The following SORCS3 variants were observed in gnomAD, a reference collection of about 807,000 sequenced individuals.
SORCS3 encodes the protein sortilin related VPS10 domain containing receptor 3, also known as VPS10 domain-containing receptor SorCS3.
SORCS3 carries 57 observed loss-of-function variants against 146.3 expected under a neutral mutation model. The ratio of observed to expected loss-of-function variants is 0.39; its 90% CI spans 0.31 to 0.49. SORCS3 has a LOEUF of 0.49. Ranked by LOEUF, SORCS3 falls within the 20% of genes least tolerant of loss-of-function variation. The probability of loss-of-function intolerance (pLI) is 0.92; values close to 1 mark genes in which losing one functional copy is unlikely to be tolerated. For missense variants in SORCS3, 1,341 were observed against 1,575.5 expected (o/e 0.85, Z 2.52); for synonymous variants, 653 against 618.5 (o/e 1.06, Z -0.83).
At chr10:105,229,153 A>AT (rs1423824888) in intron 20 of SORCS3, among the ~76,000 whole-genome samples, 1 of 150,782 alleles carries the variant, frequency 6.6e-6, no homozygotes, top group Admixed American at 6.6e-5. Flanking sequence ...TTTCAAATGT[A>AT]TTTTGTCATT....
chr10:105,129,759 C>T (rs192705324), intron 7 of SORCS3, among the ~76,000 whole-genome samples: 82 of 152,042 alleles, frequency 5.4e-4, no homozygotes, highest in Non-Finnish European at 1.0e-3. Flanking sequence ...AACTTCTTCC[C>T]CTCCATCTAA....
chr10:105,172,350 C>G (rs1460916105), intron 13 of SORCS3, among the ~76,000 whole-genome samples: 1 of 152,190 alleles, frequency 6.6e-6, no homozygotes, highest in African/African-American at 2.4e-5. Context: ...GGTTGGGATA[C>G]ACTGTTGAAT....
chr10:105,014,862 A>G (rs1042276852), intron 4 of SORCS3, among the ~76,000 whole-genome samples: 3 of 152,174 alleles, frequency 2.0e-5, no homozygotes, highest in South Asian at 2.1e-4. Context: ...TCTATGAACC[A>G]TCAAATGGGC....
chr10:105,090,642 A>G (rs879338569), intron 6 of SORCS3, among the ~76,000 whole-genome samples: 4 of 152,228 alleles, frequency 2.6e-5, no homozygotes, highest in Non-Finnish European at 5.9e-5. Context: ...GTGCAGCAGA[A>G]CAAGCACCTG....
rs1221689009 is a variant in SORCS3 at position 104,883,636 on chromosome 10, G to A, written c.696-32197G>A. Among the ~76,000 whole-genome samples the A allele has an allele frequency of 5.3e-5, 8 of 152,286 alleles. No homozygotes were observed. In the East Asian group the frequency reaches 1.5e-3, roughly 29 times the overall value. ...CGCTCAAAGCAGCTAACTGGGGCTG[G>A]TATCTATGAGGAATATCTTATTTTT... is the stretch of plus-strand genomic sequence containing the variant. On this transcript the variant is annotated intron_variant, in intron 2 of 26. Coordinates refer to ENST00000369701, the MANE Select transcript of SORCS3 (RefSeq NM_014978.3).
intron 3 of SORCS3, among the ~76,000 whole-genome samples, chr10:104,956,683 G>T (rs1335131627): frequency 6.6e-6 from 1 of 152,046 alleles, no homozygotes; most frequent in South Asian, 2.1e-4. Context: ...GGGTTTGACT[G>T]TGTCTTTCTC....
At chr10:105,245,191 C>G (rs2056858663) in intron 20 of SORCS3, among the ~76,000 whole-genome samples, 2 of 151,762 alleles carry the variant, frequency 1.3e-5, no homozygotes, top group Admixed American at 1.3e-4. Context: ...TAAGTGACAC[C>G]AGATATTGGA....
intron 1 of SORCS3, among the ~76,000 whole-genome samples, chr10:104,817,738 G>A (rs1589510624): frequency 1.8e-5 from 2 of 109,006 alleles, no homozygotes; most frequent in Non-Finnish European, 3.5e-5. Context: ...CCCCTTTTTT[G>A]TTGGCAGGCA....
intron 16 of SORCS3, among the ~76,000 whole-genome samples, chr10:105,205,966 C>T (rs1260300150): frequency 2.0e-5 from 3 of 152,148 alleles, no homozygotes; most frequent in Non-Finnish European, 4.4e-5. Flanking sequence ...TATGGCACTA[C>T]ATCCACAAAG....
intron 3 of SORCS3, among the ~76,000 whole-genome samples, chr10:104,974,558 C>A (rs1307393169): frequency 6.6e-6 from 1 of 152,142 alleles, no homozygotes; most frequent in Non-Finnish European, 1.5e-5. Flanking sequence ...GTAGATCTTC[C>A]TCCATCCTTT....
At chr10:105,235,597 A>C (rs1453169499) in intron 20 of SORCS3, among the ~76,000 whole-genome samples, 1 of 152,094 alleles carries the variant, frequency 6.6e-6, no homozygotes, top group Non-Finnish European at 1.5e-5. Context: ...AATGCTGGAT[A>C]TCTAAAGAGA....
At chr10:105,071,461 T>C (rs1003861284) in intron 5 of SORCS3, among the ~76,000 whole-genome samples, 1 of 152,250 alleles carries the variant, frequency 6.6e-6, no homozygotes, top group African/African-American at 2.4e-5. Flanking sequence ...TAAGTCCAGA[T>C]ACCGTGCTAA....
At chr10:105,115,967 T>C (rs2055891009) in intron 7 of SORCS3, among the ~76,000 whole-genome samples, 1 of 152,206 alleles carries the variant, frequency 6.6e-6, no homozygotes, top group Admixed American at 6.5e-5. Context: ...AGAAATCCAA[T>C]GAAGACATCT....
chr10:105,146,499 A>C (rs1036971052), intron 8 of SORCS3, among the ~76,000 whole-genome samples: 2 of 152,050 alleles, frequency 1.3e-5, no homozygotes, highest in African/African-American at 4.8e-5. Context: ...CTGAGACCCT[A>C]ACTTGGGGTC....
chr10:105,248,643 G>T (rs1306126264), intron 22 of SORCS3, among the ~76,000 whole-genome samples: 9 of 151,684 alleles, frequency 5.9e-5, no homozygotes, highest in Non-Finnish European at 1.2e-4. Context: ...GAACCCAAAA[G>T]GCGGAGGTTG....
chr10:104,805,616 G>T (rs1027192327), intron 1 of SORCS3, among the ~76,000 whole-genome samples: 1 of 152,088 alleles, frequency 6.6e-6, no homozygotes, highest in Non-Finnish European at 1.5e-5. Context: ...ATTTGACAAG[G>T]CTTGAGGATG....
chr10:105,241,558 C>A (rs572125744), intron 20 of SORCS3, among the ~76,000 whole-genome samples: 1 of 152,154 alleles, frequency 6.6e-6, no homozygotes, highest in African/African-American at 2.4e-5. Flanking sequence ...TACCCACACT[C>A]GGTGGGTCCT....
chr10:105,229,286 C>G lies in SORCS3; in HGVS notation c.2868+6037C>G, dbSNP rs145850431. Among the ~76,000 whole-genome samples the G allele has an allele frequency of 6.9e-4, 105 of 151,962 alleles. 2 individuals carry two copies. In the East Asian group the frequency reaches 0.017, roughly 25 times the overall value. On this transcript the variant is annotated intron_variant, in intron 20 of 26. Transcript: ENST00000369701. The stretch of plus-strand genomic sequence containing the variant: ...TTCTTTTCCTTGCATTTTTGAATCT[C>G]TTTTTATCTCACAGAGCTTCTTTCA...
chr10:104,883,031 A>G (rs1236283964), intron 2 of SORCS3, among the ~76,000 whole-genome samples: 1 of 151,784 alleles, frequency 6.6e-6, no homozygotes, highest in East Asian at 1.9e-4. Context: ...TGGCTGTGCC[A>G]CCTGCCAGTC....
Sources: gnomAD v4.1 joint callset for allele counts (sites outside exome capture counted in the v4.1 genomes callset) on GRCh38, gnomAD v4.1.1 for gene constraint, MANE v1.5 for transcripts, NCBI Gene and HGNC (gene_info 2026-07-23, HGNC 2026-07-21) for gene names.